CHST8: variants seen among roughly 807,000 people sequenced by gnomAD.
The protein encoded by CHST8 is carbohydrate sulfotransferase 8.
A neutral mutation model predicts 15.0 loss-of-function variants in CHST8; 10 were observed. That is an observed-to-expected ratio of 0.67 (90% CI 0.41 to 1.13). CHST8 has a LOEUF of 1.13. Among genes scored for constraint, CHST8 ranks in the 50% most tolerant of loss-of-function variants. CHST8 has a pLI of 0.00. For missense variants in CHST8, 634 were observed against 608.2 expected (o/e 1.04, Z -0.45); for synonymous variants, 259 against 256.6 (o/e 1.01, Z -0.09).
At chr19:33,663,853 G>A (rs1972617085) in intron 1 of CHST8, among the ~76,000 whole-genome samples, 1 of 152,092 alleles carries the variant, frequency 6.6e-6, no homozygotes, top group African/African-American at 2.4e-5. Flanking sequence ...CTGGGTGAGA[G>A]AGTAAGACTC....
intron 3 of CHST8, among the ~76,000 whole-genome samples, chr19:33,720,469 C>A (rs1178061925): frequency 1.3e-5 from 2 of 151,924 alleles, no homozygotes; most frequent in African/African-American, 4.8e-5. Context: ...CACACACATG[C>A]ACCACACATA....
At chr19:33,752,535 C>T (rs139226858) in intron 3 of CHST8, among the ~76,000 whole-genome samples, 3,226 of 152,260 alleles carry the variant, frequency 0.021, 53 homozygotes, top group East Asian at 0.028. Context: ...TACTGAGGAG[C>T]ATGGCAGAGC....
At chr19:33,758,997 G>C (rs1033071517) in intron 3 of CHST8, among the ~76,000 whole-genome samples, 1 of 152,040 alleles carries the variant, frequency 6.6e-6, no homozygotes, top group Non-Finnish European at 1.5e-5. Flanking sequence ...CCTGGTGAAA[G>C]CAGGAACAAA....
At chr19:33,743,663 G>C (rs1974249716) in intron 3 of CHST8, among the ~76,000 whole-genome samples, 1 of 152,114 alleles carries the variant, frequency 6.6e-6, no homozygotes, top group Non-Finnish European at 1.5e-5. Flanking sequence ...GCACGTATCT[G>C]AGAGCCATCT....
chr19:33,647,323 A>C (rs1346905744), intron 1 of CHST8, among the ~76,000 whole-genome samples: 1 of 152,168 alleles, frequency 6.6e-6, no homozygotes, highest in Non-Finnish European at 1.5e-5. Flanking sequence ...CCAAGTGAGG[A>C]AAGTGCACCA....
chr19:33,639,127 G>A (rs971051726), intron 1 of CHST8, among the ~76,000 whole-genome samples: 9 of 148,138 alleles, frequency 6.1e-5, no homozygotes, highest in South Asian at 2.2e-4. Flanking sequence ...TACAATATGC[G>A]ATTACGTTCA....
At chr19:33,628,854 G>A (rs914243873) in intron 1 of CHST8, among the ~76,000 whole-genome samples, 1 of 152,162 alleles carries the variant, frequency 6.6e-6, no homozygotes, top group Non-Finnish European at 1.5e-5. Context: ...CCCATGGGAC[G>A]CTATTGGGAG....
In CHST8 at chr19:33,762,797, C is replaced by T. The variant is rs285690; in HGVS notation, c.131-8616C>T. On this transcript the variant is annotated intron_variant, in intron 3 of 4. Transcript: ENST00000650847. ...TTTAGCCCATTTTACCAATGAAACA[C>T]GTTCAGCAAGGTCAAGGCACTTGTC... Among the ~76,000 whole-genome samples, 15 of 151,930 alleles carry T rather than the reference C, an allele frequency of 9.9e-5. No individual in the cohort carries two copies. In the South Asian group the frequency reaches 1.0e-3, roughly 11 times the overall value.
At chr19:33,676,155 T>A (rs192073309) in intron 2 of CHST8, among the ~76,000 whole-genome samples, 23 of 152,326 alleles carry the variant, frequency 1.5e-4, no homozygotes, top group South Asian at 1.0e-3. Flanking sequence ...AAGTAAGTTT[T>A]TTTAAATGTG....
chr19:33,672,611 A>G (rs759823), intron 2 of CHST8, among the ~76,000 whole-genome samples: 127,626 of 152,218 alleles, frequency 0.84, 53,998 homozygotes, highest in African/African-American at 0.94. Context: ...AACAGGAAGA[A>G]AAGCTGGGCA....
intron 1 of CHST8, among the ~76,000 whole-genome samples, chr19:33,638,799 C>A (rs990679304): frequency 3.3e-5 from 5 of 152,146 alleles, no homozygotes; most frequent in African/African-American, 4.8e-5. Context: ...GACCTTGGAA[C>A]CTGCATGCTG....
chr19:33,625,348 T>A (rs2145430351), intron 1 of CHST8, among the ~76,000 whole-genome samples: 1 of 151,316 alleles, frequency 6.6e-6, no homozygotes, highest in Admixed American at 6.6e-5. Context: ...CCCAGAGTGT[T>A]GGGATTACAG....
Position 33,689,260 on chromosome 19 carries a change from G to C in CHST8, c.-2G>C, listed in dbSNP as rs572454321. The C allele has an allele frequency of 3.8e-6, 6 of 1,581,434 alleles. No individual in the cohort carries two copies. In the Admixed American group the frequency reaches 5.3e-5, roughly 14 times the overall value. On this transcript the variant is annotated 5_prime_UTR_variant, in exon 3 of 5. Transcript: ENST00000650847. The stretch of plus-strand genomic sequence containing the variant: ...AAGAGGTGACCCCTGAGCCAGCCCC[G>C]GATGACCCTGCGACCTGGAACAATG...
At chr19:33,765,690 T>C (rs1974826104) in intron 3 of CHST8, among the ~76,000 whole-genome samples, 1 of 151,988 alleles carries the variant, frequency 6.6e-6, no homozygotes, top group Non-Finnish European at 1.5e-5. Flanking sequence ...GCCTTTCGAG[T>C]AGCTGGGATT....
chr19:33,742,760 C>T (rs1399832238), intron 3 of CHST8, among the ~76,000 whole-genome samples: 1 of 152,122 alleles, frequency 6.6e-6, no homozygotes, highest in Non-Finnish European at 1.5e-5. Context: ...TTTTGGGATG[C>T]CATGTTTTGG....
At chr19:33,733,111 C>T (rs1974022961) in intron 3 of CHST8, among the ~76,000 whole-genome samples, 2 of 152,296 alleles carry the variant, frequency 1.3e-5, no homozygotes, top group South Asian at 2.1e-4. Context: ...TATACTGAAG[C>T]TCTCTAGGAG....
At chr19:33,663,070 C>T (rs575049123) in intron 1 of CHST8, among the ~76,000 whole-genome samples, 3 of 152,234 alleles carry the variant, frequency 2.0e-5, no homozygotes, top group Non-Finnish European at 2.9e-5. Flanking sequence ...AGGAACTCTC[C>T]AATATGCCTG....
chr19:33,624,576 C>T (rs1421257513), intron 1 of CHST8, among the ~76,000 whole-genome samples: 1 of 152,134 alleles, frequency 6.6e-6, no homozygotes. Flanking sequence ...TGGGAAAGTT[C>T]AAAAACGACT....
intron 3 of CHST8, among the ~76,000 whole-genome samples, chr19:33,733,232 C>CTT (rs34651897): frequency 0.039 from 4,888 of 125,550 alleles, 157 homozygotes; most frequent in African/African-American, 0.069. Context: ...CAGATATATT[C>CTT]TTTTTTTTTT....
Sources: gnomAD v4.1 joint callset for allele counts (sites outside exome capture counted in the v4.1 genomes callset) on GRCh38, gnomAD v4.1.1 for gene constraint, MANE v1.5 for transcripts, NCBI Gene and HGNC (gene_info 2026-07-23, HGNC 2026-07-21) for gene names.